The following UBR3 variants were observed in gnomAD, a reference collection of about 807,000 sequenced individuals.
The protein encoded by UBR3 is E3 ubiquitin-protein ligase UBR3.
A neutral mutation model predicts 243.2 loss-of-function variants in UBR3; 85 were observed. The observed-to-expected ratio is 0.35, with a 90% CI of 0.29 to 0.42. The LOEUF (loss-of-function observed/expected upper bound fraction) is 0.42, where lower values mean the gene tolerates loss of function less well. Among genes scored for constraint, UBR3 ranks in the 10% least tolerant of loss-of-function variants. UBR3 has a pLI of 1.00. For synonymous variants in UBR3, 748 were observed against 799.8 expected (o/e 0.94, Z 1.09); for missense variants, 1,686 against 2,300.8 (o/e 0.73, Z 5.47).
chr2:170,081,719 GTTC>G lies in UBR3; in HGVS notation c.5550-5_5550-3del, dbSNP rs1559245108. On this transcript the variant is annotated splice_polypyrimidine_tract_variant and splice_region_variant and intron_variant, in intron 38 of 38. Coordinates refer to ENST00000272793, the MANE Select transcript of UBR3 (RefSeq NM_172070.4). ...ATATTAATACTTTTTTTTTCTTTTT[GTTC>G]TAGGCGAGGCAAACCTCTCTACATT... is the stretch of plus-strand genomic sequence containing the variant. The G allele has an allele frequency of 6.4e-7, 1 of 1,565,960 alleles. No individual in the cohort carries two copies. Among genetic ancestry groups the G allele is most frequent in the East Asian group, 2.3e-5 (1 of 43,754 alleles).
intron 27 of UBR3, among the ~76,000 whole-genome samples, chr2:170,005,019 C>T (rs186483575): frequency 1.8e-3 from 280 of 152,192 alleles, no homozygotes; most frequent in African/African-American, 6.3e-3. Context: ...GTCAGGAGAT[C>T]GAGACCATCC....
chr2:169,876,081 C>T, intron 3 of UBR3, 132 bp downstream of exon 3: 4 of 600,662 alleles, frequency 6.7e-6, no homozygotes, highest in South Asian at 4.3e-5. Flanking sequence ...ATTAAGAGAA[C>T]TTCTTTTTTT....
intron 31 of UBR3, among the ~76,000 whole-genome samples, chr2:170,036,844 T>C (rs781515072): frequency 6.6e-6 from 1 of 152,158 alleles, no homozygotes; most frequent in African/African-American, 2.4e-5. Context: ...TAAATTTTCA[T>C]GTAGCCAGAT....
intron 1 of UBR3, among the ~76,000 whole-genome samples, chr2:169,830,446 TTGACTC>T (rs1404157382): frequency 2.0e-5 from 3 of 152,162 alleles, no homozygotes; most frequent in African/African-American, 7.2e-5. Flanking sequence ...TATTTATTCT[TTGACTC>T]TGAGATTATT....
At chr2:169,937,182 T>C (rs2086371123) in intron 19 of UBR3, among the ~76,000 whole-genome samples, 1 of 152,236 alleles carries the variant, frequency 6.6e-6, no homozygotes, top group Non-Finnish European at 1.5e-5. Flanking sequence ...TTTCCTGACT[T>C]TTTAATGATC....
intron 3 of UBR3, among the ~76,000 whole-genome samples, chr2:169,876,490 C>G (rs2083615171): frequency 6.6e-6 from 1 of 151,556 alleles, no homozygotes. Context: ...CCTAGGTCTC[C>G]TAACTTTTGG....
At chr2:169,864,170 T>C (rs1401994206) in intron 1 of UBR3, among the ~76,000 whole-genome samples, 1 of 152,134 alleles carries the variant, frequency 6.6e-6, no homozygotes, top group Non-Finnish European at 1.5e-5. Context: ...GTCAGCCTCC[T>C]GGGTAGCTGG....
intron 20 of UBR3, among the ~76,000 whole-genome samples, chr2:169,945,686 A>G (rs2086762673): frequency 6.6e-6 from 1 of 152,208 alleles, no homozygotes; most frequent in Admixed American, 6.5e-5. Flanking sequence ...GTGGTCTGTT[A>G]TATCATATTG....
chr2:169,985,526 C>A (rs566675781), intron 24 of UBR3, among the ~76,000 whole-genome samples: 1 of 152,018 alleles, frequency 6.6e-6, no homozygotes, highest in South Asian at 2.1e-4. Flanking sequence ...CCACCATGCC[C>A]GGCCTCATAT....
chr2:170,015,215 T>C, intron 29 of UBR3, 66 bp from the exon 30 acceptor site: 1 of 1,356,852 alleles, frequency 7.4e-7, no homozygotes, highest in South Asian at 1.4e-5. Flanking sequence ...GATTCAGACA[T>C]GTCAATAAAG....
At chr2:169,882,282 TTTA>T (rs1166576147) in intron 5 of UBR3, among the ~76,000 whole-genome samples, 1 of 138,536 alleles carries the variant, frequency 7.2e-6, no homozygotes, top group African/African-American at 2.7e-5. Flanking sequence ...ATATCATATA[TTTA>T]TATATTGTAT....
At chr2:170,053,348 G>C (rs1465149219) in intron 32 of UBR3, among the ~76,000 whole-genome samples, 2 of 152,198 alleles carry the variant, frequency 1.3e-5, no homozygotes, top group Non-Finnish European at 2.9e-5. Context: ...CTTGGGCACT[G>C]AGTCTCTAAT....
intron 36 of UBR3, chr2:170,077,900 C>CT: frequency 2.1e-6 from 1 of 476,248 alleles, no homozygotes; most frequent in Admixed American, 3.0e-5. Context: ...TCAAATAACT[C>CT]TTAACACTTC....
At chr2:170,021,994 A>G (rs1167255057) in intron 30 of UBR3, among the ~76,000 whole-genome samples, 1 of 152,134 alleles carries the variant, frequency 6.6e-6, no homozygotes, top group Non-Finnish European at 1.5e-5. Flanking sequence ...TAGATAGGAC[A>G]AACTCTACCC....
chr2:169,855,347 AATTTTT>A (rs1264973934), intron 1 of UBR3, among the ~76,000 whole-genome samples: 1 of 151,618 alleles, frequency 6.6e-6, no homozygotes, highest in African/African-American at 2.4e-5. Flanking sequence ...TTAATTTTTT[AATTTTT>A]ATTTTTTTTA....
chr2:169,953,218 C>T (rs182708595), intron 23 of UBR3, among the ~76,000 whole-genome samples: 3 of 152,216 alleles, frequency 2.0e-5, no homozygotes, highest in East Asian at 1.9e-4. Context: ...ATGGTATTGA[C>T]AAGGACTTGA....
rs1342752620 is a variant in UBR3 at position 169,836,074 on chromosome 2, T to A, written c.545+8022T>A. On this transcript the variant is annotated intron_variant, in intron 1 of 38. Coordinates refer to ENST00000272793, the MANE Select transcript of UBR3 (RefSeq NM_172070.4). Reference sequence around the variant, plus strand: ...ATATATATATATATATATATTTTTTTTTTTTTTTTTTTTTTTTTTGAGATG... The same window carrying A: ...ATATATATATATATATATATTTTTTATTTTTTTTTTTTTTTTTTTGAGATG... Among the ~76,000 whole-genome samples the A allele has an allele frequency of 4.6e-3, 336 of 73,152 alleles. 14 individuals are homozygous for A. The highest frequency in any genetic ancestry group is 7.7e-3 in the African/African-American group (154 of 20,120). The allele number at this position is 73,152 out of a possible 152,430, so 48.0% of individuals were successfully genotyped here.
intron 26 of UBR3, among the ~76,000 whole-genome samples, chr2:170,000,216 T>A (rs962679934): frequency 2.0e-5 from 3 of 152,208 alleles, no homozygotes; most frequent in Admixed American, 2.0e-4. Context: ...CCCTTCTTTA[T>A]TGTATATTAT....
intron 18 of UBR3, among the ~76,000 whole-genome samples, chr2:169,932,582 G>A (rs9287925): frequency 0.98 from 148,698 of 152,242 alleles, 72,703 homozygotes; most frequent in East Asian, 1. Flanking sequence ...AATACTCTCA[G>A]AGATCCTAAC....
Sources: allele counts gnomAD v4.1 joint callset (sites outside exome capture counted in the v4.1 genomes callset), GRCh38; gene constraint gnomAD v4.1.1; transcripts MANE v1.5; gene names NCBI Gene and HGNC (gene_info 2026-07-23, HGNC 2026-07-21).